The following ASGR2 variants were observed in gnomAD, a reference collection of about 807,000 sequenced individuals.
The protein encoded by ASGR2 is asialoglycoprotein receptor 2, also known as C-type lectin domain family 4 member H2.
A neutral mutation model predicts 32.3 loss-of-function variants in ASGR2; 34 were observed. The observed-to-expected ratio is 1.05, with a 90% CI of 0.80 to 1.40. ASGR2 has a LOEUF of 1.40. ASGR2 is among the 40% of genes most tolerant of loss of function. The pLI is 0.00. For missense variants in ASGR2, 385 were observed against 386.4 expected (o/e 1.00, Z 0.03); for synonymous variants, 143 against 150.0 (o/e 0.95, Z 0.34).
rs367775158 is a variant in ASGR2, at chr17:7,107,346, G to A, written c.410-29C>T. On this transcript the variant is annotated intron_variant, in intron 5 of 8. Transcript: ENST00000691900. This position sits in a 1 kb window ranked among gnomAD's most constrained non-coding sequence, Gnocchi z 5.0. The stretch of plus-strand genomic sequence containing the variant: ...GGACAGACAGGCTGAAAGTGCTGCC[G>A]GCAGGTGTGGTCCCCACCTGCTAGG... 562 of 1,605,872 alleles carry A rather than the reference G, an allele frequency of 3.5e-4. 5 individuals carry two copies. Among genetic ancestry groups the A allele is most frequent in the African/African-American group, 7.9e-4 (59 of 74,958 alleles).
Position 7,107,876 on chromosome 17 carries a change from T to A in ASGR2, c.369A>T (p.Leu123=). The A allele has an allele frequency of 6.2e-7, 1 of 1,613,438 alleles. No individual in the cohort carries two copies. ...GCTGCTGTTTCTCCAGCTTGGCTCC[T>A]AGGGATGTGATCTTGTCACCCACGC... ...GGSVGDKITS[L]GAKLEKQQQD... The change falls in exon 5 of 9, where the codon CTA becomes CTT. Residue 123 remains leucine, a synonymous_variant. Coordinates refer to ENST00000691900, the MANE Select transcript of ASGR2 (RefSeq NM_001201352.2). This position sits in a 1 kb window ranked among gnomAD's most constrained non-coding sequence, Gnocchi z 5.0.
chr17:7,112,305 G>A (rs531814480), intron 2 of ASGR2, among the ~76,000 whole-genome samples: 7 of 151,960 alleles, frequency 4.6e-5, no homozygotes, highest in African/African-American at 1.7e-4. Flanking sequence ...CAGCTGATCA[G>A]TGTCAGCTCC....
intron 2 of ASGR2, among the ~76,000 whole-genome samples, chr17:7,111,861 G>T (rs1195229409): frequency 1.3e-5 from 2 of 148,340 alleles, no homozygotes; most frequent in Non-Finnish European, 3.0e-5. Context: ...CCCTCTACAT[G>T]GCAAAACCGT....
At position 7,113,081 on chromosome 17, in the gene ASGR2, C is replaced by T. The variant is rs1405564762; in HGVS notation, c.124+1036G>A. On this transcript the variant is annotated intron_variant, in intron 2 of 8. Transcript: ENST00000691900. This position sits in a 1 kb window ranked among gnomAD's most constrained non-coding sequence, Gnocchi z 5.1. ...GGCTGAGGTGGGAGGATGGCTTGAG[C>T]CCAGGAGTTCGAGGTTGCAGTGAGC... Among the ~76,000 whole-genome samples, 1 of 151,432 alleles carries T rather than the reference C, an allele frequency of 6.6e-6. No individual in the cohort carries two copies. Among genetic ancestry groups the T allele is most frequent in the African/African-American group, 2.4e-5 (1 of 40,836 alleles).
At chr17:7,106,903 C>A (rs373578872) in intron 7 of ASGR2, 97 bp downstream of exon 7, 59 of 1,309,562 alleles carry the variant, frequency 4.5e-5, no homozygotes, top group African/African-American at 2.3e-4. Flanking sequence ...GACTCCATCT[C>A]AAAAAAAAAA....
In ASGR2 at chr17:7,108,260, C is replaced by T. The variant is rs1482731132; in HGVS notation, c.337+202G>A. Reference sequence around the variant, plus strand: ...CAAGACATGGTGCCTTCCTCACCTCCGGGTGTCGCAGATCCAACCTCTCCA... The same window carrying T: ...CAAGACATGGTGCCTTCCTCACCTCTGGGTGTCGCAGATCCAACCTCTCCA... On this transcript the variant is annotated intron_variant, in intron 4 of 8. Transcript: ENST00000691900. The surrounding 1 kb of genome is among the most constrained non-coding windows in gnomAD (Gnocchi z 4.9). Among the ~76,000 whole-genome samples the T allele has an allele frequency of 1.3e-5, 2 of 152,108 alleles. No individual in the cohort carries two copies. Among genetic ancestry groups the T allele is most frequent in the Non-Finnish European group, 2.9e-5 (2 of 68,010 alleles).
intron 2 of ASGR2, among the ~76,000 whole-genome samples, chr17:7,109,659 GAC>G (rs909567000): frequency 6.6e-6 from 1 of 151,838 alleles, no homozygotes; most frequent in Non-Finnish European, 1.5e-5. Context: ...TGACAGCACT[GAC>G]ACACACATTC....
chr17:7,107,873 T>C lies in ASGR2; in HGVS notation c.372A>G (p.Gly124=). 6.2e-7 allele frequency: 1 copy of C among 1,612,754 alleles called. No individual in the cohort carries two copies. The highest frequency in any genetic ancestry group is 2.3e-5 in the East Asian group (1 of 43,746). ...CCTGCTGCTGTTTCTCCAGCTTGGCTCCTAGGGATGTGATCTTGTCACCCA... is the reference window on the plus strand; with the variant it reads ...CCTGCTGCTGTTTCTCCAGCTTGGCCCCTAGGGATGTGATCTTGTCACCCA... ...GSVGDKITSL[G]AKLEKQQQDL... The change falls in exon 5 of 9, where the codon GGA becomes GGG. Residue 124 remains glycine, a synonymous_variant. Coordinates refer to ENST00000691900, the MANE Select transcript of ASGR2 (RefSeq NM_001201352.2). The surrounding 1 kb of genome is among the most constrained non-coding windows in gnomAD (Gnocchi z 5.0).
intron 2 of ASGR2, among the ~76,000 whole-genome samples, chr17:7,110,397 T>C (rs1160233154): frequency 6.6e-6 from 1 of 151,550 alleles, no homozygotes; most frequent in African/African-American, 2.4e-5. Flanking sequence ...CATGGCTGAG[T>C]CCCTGACTGC....
rs1297433006 is a variant in ASGR2 at position 7,113,072 on chromosome 17, T to C, written c.124+1045A>G. ...TACTTGGGAGGCTGAGGTGGGAGGA[T>C]GGCTTGAGCCCAGGAGTTCGAGGTT... On this transcript the variant is annotated intron_variant, in intron 2 of 8. Coordinates refer to ENST00000691900, the MANE Select transcript of ASGR2 (RefSeq NM_001201352.2). This position sits in a 1 kb window ranked among gnomAD's most constrained non-coding sequence, Gnocchi z 5.1. 6.6e-6 allele frequency among the ~76,000 whole-genome samples: 1 copy of C among 151,944 alleles called. No homozygotes were observed. The highest frequency in any genetic ancestry group is 2.4e-5 in the African/African-American group (1 of 41,320).
chr17:7,107,334 G>GAA lies in ASGR2; in HGVS notation c.410-19_410-18dup. 1 of 1,610,398 alleles carries GAA rather than the reference G, an allele frequency of 6.2e-7. No individual in the cohort carries two copies. Among genetic ancestry groups the GAA allele is most frequent in the African/African-American group, 1.3e-5 (1 of 75,044 alleles). On this transcript the variant is annotated splice_polypyrimidine_tract_variant and intron_variant, in intron 5 of 8. Coordinates refer to ENST00000691900, the MANE Select transcript of ASGR2 (RefSeq NM_001201352.2). This position sits in a 1 kb window ranked among gnomAD's most constrained non-coding sequence, Gnocchi z 5.0. Reference sequence around the variant, plus strand: ...CATCGTGATCTAGGACAGACAGGCTGAAAGTGCTGCCGGCAGGTGTGGTCC... The same window carrying GAA: ...CATCGTGATCTAGGACAGACAGGCTGAAAAAGTGCTGCCGGCAGGTGTGGTCC...
At position 7,107,818 on chromosome 17, in the gene ASGR2, C is replaced by T; in HGVS notation, c.409+18G>A. 2 of 1,612,240 alleles carry T rather than the reference C, an allele frequency of 1.2e-6. No homozygotes were observed. Among genetic ancestry groups the T allele is most frequent in the South Asian group, 1.1e-5 (1 of 91,004 alleles). ...ACACATGCACGCACATGCGCACACACCCCGGAGGCTCTCTGACCTGCTTTC... is the reference window on the plus strand; with the variant it reads ...ACACATGCACGCACATGCGCACACATCCCGGAGGCTCTCTGACCTGCTTTC... On this transcript the variant is annotated intron_variant, in intron 5 of 8. Coordinates refer to ENST00000691900, the MANE Select transcript of ASGR2 (RefSeq NM_001201352.2). This position sits in a 1 kb window ranked among gnomAD's most constrained non-coding sequence, Gnocchi z 5.0.
intron 2 of ASGR2, among the ~76,000 whole-genome samples, chr17:7,112,044 GA>G (rs2067439896): frequency 2.9e-4 from 2 of 6,944 alleles, no homozygotes; most frequent in Non-Finnish European, 6.8e-4. Context: ...GAGAGAGAGA[GA>G]GGGGAGGGGA....
At position 7,114,297 on chromosome 17, in the gene ASGR2, T is replaced by C; in HGVS notation, c.-57A>G. 2 of 1,596,304 alleles carry C rather than the reference T, an allele frequency of 1.3e-6. No individual in the cohort carries two copies. Among genetic ancestry groups the C allele is most frequent in the South Asian group, 1.1e-5 (1 of 90,008 alleles). ...CTGGGCTGGGCTGGGCTGAGGTTGC[T>C]CTGAGGGCTGGGGCTGGGGCAGAGG... On this transcript the variant is annotated 5_prime_UTR_variant, in exon 2 of 9. Transcript: ENST00000691900. This position sits in a 1 kb window ranked among gnomAD's most constrained non-coding sequence, Gnocchi z 4.5.
rs1341126805 is a variant in ASGR2 at position 7,113,477 on chromosome 17, T to TACACACACACA, written c.124+629_124+639dup. On this transcript the variant is annotated intron_variant, in intron 2 of 8. Transcript: ENST00000691900. The surrounding 1 kb of genome is among the most constrained non-coding windows in gnomAD (Gnocchi z 5.1). ...CACAAACATACATACACTCACACAA[T>TACACACACACA]ACACACACACAACACACACACAACA... Among the ~76,000 whole-genome samples the TACACACACACA allele has an allele frequency of 1.5e-5, 2 of 132,324 alleles. No individual in the cohort carries two copies. Among genetic ancestry groups the TACACACACACA allele is most frequent in the African/African-American group, 5.9e-5 (2 of 33,902 alleles). The allele number at this position is 132,324 out of a possible 152,430, so 86.8% of individuals were successfully genotyped here.
At position 7,107,448 on chromosome 17, in the gene ASGR2, A is replaced by C; in HGVS notation, c.410-131T>G. 1.2e-6 allele frequency: 1 copy of C among 857,576 alleles called. No individual in the cohort carries two copies. The highest frequency in any genetic ancestry group is 1.8e-6 in the Non-Finnish European group (1 of 541,664). The allele number at this position is 857,576 out of a possible 1,614,324, so 53.1% of individuals were successfully genotyped here. A position where few individuals can be genotyped will look rare whatever the true frequency, so the allele number is the denominator to read the frequency against. On this transcript the variant is annotated intron_variant, in intron 5 of 8. Transcript: ENST00000691900. This position sits in a 1 kb window ranked among gnomAD's most constrained non-coding sequence, Gnocchi z 5.0. ...CATAGACCACACCACACACCATACC[A>C]CACACACACCACAGACATGTACACC...
chr17:7,102,094 A>C lies in ASGR2; in HGVS notation c.751T>G (p.Tyr251Asp). 6.2e-7 allele frequency: 1 copy of C among 1,613,178 alleles called. No homozygotes were observed. Among genetic ancestry groups the C allele is most frequent in the Non-Finnish European group, 8.5e-7 (1 of 1,179,100 alleles). ...WVDGTDYRHN[Y>D]KNWAVTQPDN... ...ATGAGGGAAGAGGCCACTTACTTGTAGTTGTGCCTATAGTCTGTGCCATCC... is the reference window on the plus strand; with the variant it reads ...ATGAGGGAAGAGGCCACTTACTTGTCGTTGTGCCTATAGTCTGTGCCATCC... Residue 251 changes from tyrosine (Y) to aspartate (D), a missense_variant, in exon 8 of 9, where the codon TAC (tyrosine) becomes GAC (aspartate). Coordinates refer to ENST00000691900, the MANE Select transcript of ASGR2 (RefSeq NM_001201352.2).
rs544287557 is a variant in ASGR2 at position 7,102,007 on chromosome 17, C to T, written c.755+83G>A. The T allele has an allele frequency of 1.1e-4, 157 of 1,373,184 alleles. 1 individual carries two copies. In the African/African-American group the frequency reaches 1.6e-3, roughly 14 times the overall value. The allele number at this position is 1,373,184 out of a possible 1,614,324, so 85.1% of individuals were successfully genotyped here. A position where few individuals can be genotyped will look rare whatever the true frequency, so the allele number is the denominator to read the frequency against. On this transcript the variant is annotated intron_variant, in intron 8 of 8. Coordinates refer to ENST00000691900, the MANE Select transcript of ASGR2 (RefSeq NM_001201352.2). The stretch of plus-strand genomic sequence containing the variant: ...ATTGGGGAATTTGGTCCCTGAGGGA[C>T]GAGTCAGGGTAGCTTGGAGTGAAAG...
intron 2 of ASGR2, among the ~76,000 whole-genome samples, chr17:7,112,097 G>C (rs1293249679): frequency 1.4e-5 from 2 of 140,456 alleles, no homozygotes; most frequent in Non-Finnish European, 1.6e-5. Flanking sequence ...GGAGGGGAAG[G>C]GGAAAATTTT....
Sources: allele counts gnomAD v4.1 joint callset (sites outside exome capture counted in the v4.1 genomes callset), GRCh38; gene constraint gnomAD v4.1.1; non-coding constraint Gnocchi (gnomAD v3.1); transcripts MANE v1.5; gene names NCBI Gene and HGNC (gene_info 2026-07-23, HGNC 2026-07-21).